The following DMXL1 variants were observed in gnomAD, a reference collection of about 807,000 sequenced individuals.
The protein encoded by DMXL1 is dmX-like protein 1.
In DMXL1, 99 loss-of-function variants were observed where a neutral mutation model predicts 319.2. The observed-to-expected ratio is 0.31, with a 90% CI of 0.26 to 0.37. DMXL1 has a LOEUF of 0.37. DMXL1 is among the 10% of genes least tolerant of loss of function. The pLI is 1.00. For synonymous variants in DMXL1, 1,385 were observed against 1,235.2 expected, an observed-to-expected ratio of 1.12 and a Z score of -2.54; for missense variants, 3,745 against 3,595.6, an observed-to-expected ratio of 1.04 and a Z score of -1.06.
Position 119,129,472 on chromosome 5 carries a change from A to C in DMXL1, c.1315+49A>C, listed in dbSNP as rs370868660. On this transcript the variant is annotated intron_variant, in intron 10 of 43. Coordinates refer to ENST00000539542, the MANE Select transcript of DMXL1 (RefSeq NM_001290321.3). ...ATTTAAAGTTTTGCTCAAAATAGCA[A>C]ACATTTTCATATTAGGGTAAAACTA... is the stretch of plus-strand genomic sequence containing the variant. 6.4e-5 allele frequency: 88 copies of C among 1,375,338 alleles called. No homozygotes were observed. The African/African-American group carries it at 1.2e-3, about 19-fold the overall frequency. 85.2% of individuals were successfully genotyped at this position (1,375,338 alleles called of 1,614,324 possible). A position where few individuals can be genotyped will look rare whatever the true frequency, so the allele number is the denominator to read the frequency against.
At chr5:119,116,794 C>A (rs145917136) in intron 7 of DMXL1, among the ~76,000 whole-genome samples, 1 of 152,220 alleles carries the variant, frequency 6.6e-6, no homozygotes, top group South Asian at 2.1e-4. Context: ...CTACACCCAG[C>A]ATATGTGAGG....
At chr5:119,177,829 T>C (rs1776096932) in intron 27 of DMXL1, among the ~76,000 whole-genome samples, 167 bp from the exon 28 acceptor site, 1 of 152,148 alleles carries the variant, frequency 6.6e-6, no homozygotes, top group Non-Finnish European at 1.5e-5. Flanking sequence ...AAGTAACTCA[T>C]TTGTGCTTAA....
At chr5:119,104,230 G>T (rs1231279908) in intron 3 of DMXL1, 1 of 152,152 alleles carries the variant, frequency 6.6e-6, no homozygotes, top group African/African-American at 2.4e-5. Flanking sequence ...CTGTAGCTGT[G>T]GGATTGTGTC....
At chr5:119,217,217 A>G (rs1353699925) in intron 35 of DMXL1, among the ~76,000 whole-genome samples, 1 of 152,190 alleles carries the variant, frequency 6.6e-6, no homozygotes, top group Non-Finnish European at 1.5e-5. Context: ...CTATGCAGAG[A>G]GAAGTACCAA....
At position 119,171,126 on chromosome 5, in the gene DMXL1, T is replaced by G; in HGVS notation, c.6335T>G (p.Leu2112Arg). Residue 2112 changes from leucine to arginine, a missense_variant, in exon 24 of 44, where the codon CTG (leucine) becomes CGG (arginine). Physicochemically the swap from Leu to Arg is moderately radical, Grantham distance 102 (BLOSUM62 -2). Coordinates refer to ENST00000539542, the MANE Select transcript of DMXL1 (RefSeq NM_001290321.3). ...CCTCACCAAACAAAAGTGAAACAAC[T>G]GAGAGAAAATTTTCAGGAAAAAAGA... ...DLPHQTKVKQ[L>R]RENFQEKRQW... The G allele has an allele frequency of 1.9e-6, 3 of 1,613,898 alleles. No homozygotes were observed. Among genetic ancestry groups the G allele is most frequent in the Non-Finnish European group, 2.5e-6 (3 of 1,179,882 alleles).
intron 19 of DMXL1, among the ~76,000 whole-genome samples, chr5:119,163,856 T>C (rs1772815629): frequency 6.6e-6 from 1 of 152,040 alleles, no homozygotes; most frequent in Admixed American, 6.6e-5. Context: ...ATTACAGGCA[T>C]GAGCCAGCGC....
chr5:119,130,502 C>G (rs1764627949), intron 10 of DMXL1, among the ~76,000 whole-genome samples: 1 of 152,154 alleles, frequency 6.6e-6, no homozygotes, highest in Non-Finnish European at 1.5e-5. Context: ...GCCACCACAC[C>G]TGGCTAATTT....
intron 34 of DMXL1, among the ~76,000 whole-genome samples, chr5:119,212,319 T>C (rs1782944541): frequency 6.6e-6 from 1 of 152,242 alleles, no homozygotes; most frequent in Admixed American, 6.5e-5. Flanking sequence ...GTTATCCTTT[T>C]GTGACTAGTT....
At chr5:119,216,076 C>A (rs1239043254) in intron 34 of DMXL1, among the ~76,000 whole-genome samples, 1 of 106,250 alleles carries the variant, frequency 9.4e-6, no homozygotes, top group Non-Finnish European at 1.7e-5. Context: ...CCAGCCTGGG[C>A]GACAAGAGCA....
chr5:119,170,674 T>C lies in DMXL1; in HGVS notation c.5883T>C (p.Asp1961=), dbSNP rs1474091439. 3 of 1,613,618 alleles carry C rather than the reference T, an allele frequency of 1.9e-6. No individual in the cohort carries two copies. The highest frequency in any genetic ancestry group is 2.5e-6 in the Non-Finnish European group (3 of 1,179,926). Residue 1961 remains aspartate (D), a synonymous_variant, in exon 24 of 44, where the codon GAT becomes GAC. Transcript: ENST00000539542. ...DWSQPSVVFQ[D]DSLELKWDSD... is the part of the protein sequence containing the mutation. ...GCCAACCAAGTGTTGTGTTTCAGGA[T>C]GACTCTTTAGAGTTAAAATGGGACA...
In DMXL1 at chr5:119,247,726, GTGATAAAT is replaced by G. The variant is rs1790024275; in HGVS notation, c.*508_*515del. ...CATTAAAATTGTCATTGAGACGTCA[GTGATAAAT>G]GAGCTAGATGGCTCAATATGTAAGG... On this transcript the variant is annotated 3_prime_UTR_variant, in exon 44 of 44. Transcript: ENST00000539542. 6.5e-6 allele frequency: 1 copy of G among 152,994 alleles called. No individual in the cohort carries two copies. The highest frequency in any genetic ancestry group is 1.5e-5 in the Non-Finnish European group (1 of 68,640). The allele number at this position is 152,994 out of a possible 1,614,324, so 9.5% of individuals were successfully genotyped here.
In DMXL1 at chr5:119,144,597, A is replaced by C; in HGVS notation, c.2528A>C (p.Glu843Ala). ...GAAGACTTCATTTTGAATAACCTTG[A>C]GAAGAAAAGCCTTGGCAAAGACAGC... Reference protein sequence around the residue: ...FEEDFILNNLEKKSLGKDSIL... With the variant: ...FEEDFILNNLAKKSLGKDSIL... The change falls in exon 15 of 44, where the codon GAG becomes GCG. Residue 843 changes from glutamate (E) to alanine (A), a missense_variant. Physicochemically the swap from Glu to Ala is moderately radical, Grantham distance 107. Around this residue, in one of 4 missense-constraint regions of DMXL1, gnomAD observed 2,096 missense variants for 1,985.4 expected, o/e 1.06. Coordinates refer to ENST00000539542, the MANE Select transcript of DMXL1 (RefSeq NM_001290321.3). 6.3e-7 allele frequency: 1 copy of C among 1,599,930 alleles called. No individual in the cohort carries two copies. Among genetic ancestry groups the C allele is most frequent in the South Asian group, 1.1e-5 (1 of 87,726 alleles).
At chr5:119,077,479 GTTTTTTT>G (rs774672621) in intron 1 of DMXL1, among the ~76,000 whole-genome samples, 6 of 70,174 alleles carry the variant, frequency 8.6e-5, no homozygotes, top group South Asian at 7.3e-4. Flanking sequence ...TTCATCTTAG[GTTTTTTT>G]TTTTTTTTTT....
At chr5:119,088,846 T>C (rs377185902) in intron 1 of DMXL1, among the ~76,000 whole-genome samples, 58 of 152,280 alleles carry the variant, frequency 3.8e-4, no homozygotes, top group African/African-American at 1.4e-3. Context: ...TAAAAAGTTA[T>C]TGTAGATATT....
chr5:119,152,672 C>G (rs950259887), intron 19 of DMXL1, among the ~76,000 whole-genome samples: 15 of 152,184 alleles, frequency 9.9e-5, no homozygotes, highest in Non-Finnish European at 1.5e-4. Context: ...ATAACATTGT[C>G]TTAGAGAGTT....
intron 38 of DMXL1, among the ~76,000 whole-genome samples, chr5:119,225,424 A>T (rs1026650196): frequency 6.6e-6 from 1 of 152,020 alleles, no homozygotes; most frequent in South Asian, 2.1e-4. Context: ...ATCAATACTC[A>T]TACTGGTGTG....
At chr5:119,119,028 T>C (rs761325204) in intron 8 of DMXL1, 24 bp downstream of exon 8, 31 of 1,547,136 alleles carry the variant, frequency 2.0e-5, no homozygotes, top group African/African-American at 2.8e-5. Context: ...TTACATTACT[T>C]ACTACAAGTT....
intron 10 of DMXL1, among the ~76,000 whole-genome samples, chr5:119,130,138 A>G (rs757336619): frequency 5.3e-5 from 8 of 152,130 alleles, no homozygotes; most frequent in Non-Finnish European, 1.2e-4. Context: ...TTTAATTTCA[A>G]GATGGTTTAT....
intron 18 of DMXL1, among the ~76,000 whole-genome samples, chr5:119,151,534 C>T (rs1355115549): frequency 6.6e-6 from 1 of 152,058 alleles, no homozygotes; most frequent in African/African-American, 2.4e-5. Flanking sequence ...GCCCTCCCAC[C>T]ATAGAACTGT....
Sources: gnomAD v4.1 joint callset for allele counts (sites outside exome capture counted in the v4.1 genomes callset) on GRCh38, gnomAD v4.1.1 for gene constraint, gnomAD v4.1.1 regional missense constraint, MANE v1.5 for transcripts, NCBI Gene and HGNC (gene_info 2026-07-23, HGNC 2026-07-21) for gene names.